The following CCSER1 variants were observed in gnomAD, a reference collection of about 807,000 sequenced individuals.
CCSER1 encodes the protein coiled-coil serine rich protein 1.
In CCSER1, 41 loss-of-function variants were observed where a neutral mutation model predicts 82.0. The ratio of observed to expected loss-of-function variants is 0.50; its 90% CI spans 0.39 to 0.65. The LOEUF is 0.65. Among genes scored for constraint, CCSER1 ranks in the 30% least tolerant of loss-of-function variants. The probability of loss-of-function intolerance (pLI) is 0.00; values close to 1 mark genes in which losing one functional copy is unlikely to be tolerated. For missense variants in CCSER1, 1,119 were observed against 1,064.2 expected, an observed-to-expected ratio of 1.05 and a Z score of -0.72; for synonymous variants, 414 against 383.9, an observed-to-expected ratio of 1.08 and a Z score of -0.92.
intron 10 of CCSER1, among the ~76,000 whole-genome samples, chr4:91,300,284 A>T (rs1744565757): frequency 6.6e-6 from 1 of 151,986 alleles, no homozygotes. Flanking sequence ...AATTTTATAA[A>T]AATGGTTTAT....
intron 10 of CCSER1, among the ~76,000 whole-genome samples, chr4:91,559,131 A>T (rs1762541006): frequency 6.6e-6 from 1 of 151,470 alleles, no homozygotes. Flanking sequence ...TTGGATATGG[A>T]CCTCTGTCAA....
chr4:90,675,561 G>A (rs1733685376), intron 6 of CCSER1, among the ~76,000 whole-genome samples: 1 of 151,062 alleles, frequency 6.6e-6, no homozygotes, highest in Non-Finnish European at 1.5e-5. Flanking sequence ...TTTTTTGCCT[G>A]TACTGACATA....
At chr4:90,670,666 A>C (rs1351078546) in intron 6 of CCSER1, among the ~76,000 whole-genome samples, 1 of 152,038 alleles carries the variant, frequency 6.6e-6, no homozygotes, top group Non-Finnish European at 1.5e-5. Flanking sequence ...GAACACTTAA[A>C]CTGTTCAGTA....
At chr4:90,137,073 A>G (rs1723826543) in intron 1 of CCSER1, among the ~76,000 whole-genome samples, 1 of 152,220 alleles carries the variant, frequency 6.6e-6, no homozygotes, top group Non-Finnish European at 1.5e-5. Context: ...TGACTTTTTC[A>G]GCTAGTAATA....
rs533527845 is a variant in CCSER1 at position 91,043,613 on chromosome 4, G to A, written c.2173-42337G>A. Among the ~76,000 whole-genome samples the A allele has an allele frequency of 3.6e-5, 5 of 139,850 alleles. No homozygotes were observed. The South Asian group carries it at 6.7e-4, about 19-fold the overall frequency. The allele number at this position is 139,850 out of a possible 152,430, so 91.7% of individuals were successfully genotyped here. ...TTTTTTTTTTTTTTTTTTTTGAGGC[G>A]GAGTCTTGCTGTGTCTCTGGAGGCT... is the stretch of plus-strand genomic sequence containing the variant. On this transcript the variant is annotated intron_variant, in intron 9 of 10. Transcript: ENST00000509176.
intron 4 of CCSER1, among the ~76,000 whole-genome samples, chr4:90,443,371 A>G (rs1269098158): frequency 6.6e-6 from 1 of 152,170 alleles, no homozygotes; most frequent in Non-Finnish European, 1.5e-5. Flanking sequence ...ACAGTCAGTT[A>G]GGTAACTAAG....
chr4:90,407,669 C>A (rs558900227), intron 4 of CCSER1, among the ~76,000 whole-genome samples: 1 of 152,190 alleles, frequency 6.6e-6, no homozygotes, highest in African/African-American at 2.4e-5. Context: ...CCAAGATGGC[C>A]GAATAGGAAC....
chr4:90,949,139 C>A (rs1211158928), intron 9 of CCSER1, among the ~76,000 whole-genome samples: 1 of 152,038 alleles, frequency 6.6e-6, no homozygotes, highest in Non-Finnish European at 1.5e-5. Flanking sequence ...GTATCAGACA[C>A]AGACCTACTT....
chr4:91,358,847 C>T (rs111784092), intron 10 of CCSER1, among the ~76,000 whole-genome samples: 48,867 of 151,950 alleles, frequency 0.32, 8,675 homozygotes, highest in African/African-American at 0.46. Flanking sequence ...GTCACTCAGG[C>T]TGGCTGGAGT....
intron 10 of CCSER1, among the ~76,000 whole-genome samples, chr4:91,552,133 G>A (rs1762188194): frequency 1.3e-5 from 2 of 150,260 alleles, no homozygotes; most frequent in South Asian, 4.2e-4. Context: ...ATTCAAGTAT[G>A]TGCTCAGATG....
intron 5 of CCSER1, among the ~76,000 whole-genome samples, chr4:90,515,408 A>G (rs1772133634): frequency 6.6e-6 from 1 of 152,198 alleles, no homozygotes; most frequent in Non-Finnish European, 1.5e-5. Context: ...TACATTGGGC[A>G]ACTTTTGAAG....
chr4:90,786,227 T>G (rs1224604290), intron 7 of CCSER1, among the ~76,000 whole-genome samples: 1 of 152,162 alleles, frequency 6.6e-6, no homozygotes, highest in Non-Finnish European at 1.5e-5. Flanking sequence ...AGGAAACTGA[T>G]AGAGGAGAAA....
intron 1 of CCSER1, among the ~76,000 whole-genome samples, chr4:90,259,869 G>A (rs529476892): frequency 4.6e-5 from 7 of 152,144 alleles, no homozygotes; most frequent in African/African-American, 1.7e-4. Flanking sequence ...TGGTGAGCTA[G>A]TATTTTGTTG....
chr4:90,369,111 T>C (rs1438137986), intron 3 of CCSER1, among the ~76,000 whole-genome samples: 5 of 151,790 alleles, frequency 3.3e-5, no homozygotes, highest in Non-Finnish European at 7.4e-5. Context: ...AAAAGCTATT[T>C]AGTAAAACCA....
intron 10 of CCSER1, among the ~76,000 whole-genome samples, chr4:91,143,554 C>A (rs76045320): frequency 6.6e-6 from 1 of 151,656 alleles, no homozygotes; most frequent in Non-Finnish European, 1.5e-5. Context: ...TTTGTCTTAT[C>A]CCAGGGGGAA....
intron 1 of CCSER1, among the ~76,000 whole-genome samples, chr4:90,231,421 A>G (rs1384699905): frequency 6.8e-6 from 1 of 147,754 alleles, no homozygotes; most frequent in South Asian, 2.4e-4. Flanking sequence ...AAATTCAACA[A>G]CCCTTCATGC....
chr4:90,784,275 C>T (rs1347016177), intron 7 of CCSER1, among the ~76,000 whole-genome samples: 2 of 152,224 alleles, frequency 1.3e-5, no homozygotes, highest in African/African-American at 4.8e-5. Flanking sequence ...TTTTCCCCAT[C>T]ATCCTGGATA....
chr4:90,153,474 A>G (rs919652685), intron 1 of CCSER1, among the ~76,000 whole-genome samples: 13 of 152,068 alleles, frequency 8.5e-5, no homozygotes, highest in Non-Finnish European at 1.9e-4. Flanking sequence ...GACTTCCACA[A>G]TGGTTGAACT....
chr4:90,508,881 ATAAC>A (rs1389366065), intron 5 of CCSER1, among the ~76,000 whole-genome samples: 5 of 152,116 alleles, frequency 3.3e-5, no homozygotes, highest in African/African-American at 9.6e-5. Flanking sequence ...CTCAAATACT[ATAAC>A]TAAATTTGGG....
Sources: gnomAD v4.1 joint callset for allele counts (sites outside exome capture counted in the v4.1 genomes callset) on GRCh38, gnomAD v4.1.1 for gene constraint, MANE v1.5 for transcripts, NCBI Gene and HGNC (gene_info 2026-07-23, HGNC 2026-07-21) for gene names.